Variants in CCSER1 observed in about 807,000 individuals in gnomAD.
CCSER1 encodes the protein coiled-coil serine rich protein 1.
In CCSER1, 41 loss-of-function variants were observed where a neutral mutation model predicts 82.0. The observed-to-expected ratio is 0.50, with a 90% confidence interval of 0.39 to 0.65. The LOEUF (loss-of-function observed/expected upper bound fraction) is 0.65. Ranked by LOEUF, CCSER1 falls within the 30% of genes least tolerant of loss-of-function variation. The probability of loss-of-function intolerance (pLI) is 0.00; values close to 1 mark genes in which losing one functional copy is unlikely to be tolerated. For missense variants in CCSER1, 1,119 were observed against 1,064.2 expected (o/e 1.05, Z -0.72); for synonymous variants, 414 against 383.9 (o/e 1.08, Z -0.92).
chr4:91,505,359 G>A (rs1264478753), intron 10 of CCSER1, among the ~76,000 whole-genome samples: 1 of 152,148 alleles, frequency 6.6e-6, no homozygotes, highest in East Asian at 1.9e-4. Flanking sequence ...GGGCATTTAG[G>A]TTGATTCCAT....
intron 9 of CCSER1, among the ~76,000 whole-genome samples, chr4:91,041,551 G>C (rs775034009): frequency 1.3e-5 from 2 of 152,124 alleles, no homozygotes; most frequent in Non-Finnish European, 2.9e-5. Flanking sequence ...CCCCGTGACT[G>C]TACAACAGAT....
intron 3 of CCSER1, among the ~76,000 whole-genome samples, chr4:90,353,526 A>G (rs562083236): frequency 1.8e-4 from 27 of 152,206 alleles, no homozygotes; most frequent in Non-Finnish European, 2.6e-4. Flanking sequence ...ATTCTTAAAG[A>G]TGGTAAGAGG....
chr4:90,606,199 G>A (rs1003104681), intron 5 of CCSER1, among the ~76,000 whole-genome samples: 19 of 115,772 alleles, frequency 1.6e-4, no homozygotes, highest in Non-Finnish European at 3.1e-4. Flanking sequence ...CATGGGGAGA[G>A]TCCTAGTTGT....
intron 10 of CCSER1, among the ~76,000 whole-genome samples, chr4:91,296,759 C>T (rs1441869911): frequency 6.6e-6 from 1 of 150,780 alleles, no homozygotes; most frequent in African/African-American, 2.4e-5. Context: ...CATTGTAAAT[C>T]ACTGACAAGG....
chr4:91,330,754 T>G (rs1463025411), intron 10 of CCSER1, among the ~76,000 whole-genome samples: 1 of 152,192 alleles, frequency 6.6e-6, no homozygotes, highest in Non-Finnish European at 1.5e-5. Flanking sequence ...TCCCAATCAG[T>G]GCAGGTTTCA....
At chr4:91,369,964 G>A (rs906509325) in intron 10 of CCSER1, among the ~76,000 whole-genome samples, 2 of 151,880 alleles carry the variant, frequency 1.3e-5, no homozygotes, top group Non-Finnish European at 2.9e-5. Flanking sequence ...ATAGGCATGA[G>A]CCACTGTGCC....
At chr4:91,308,789 C>T (rs1285385858) in intron 10 of CCSER1, among the ~76,000 whole-genome samples, 1 of 151,818 alleles carries the variant, frequency 6.6e-6, no homozygotes, top group Non-Finnish European at 1.5e-5. Context: ...AAGTTAATGA[C>T]ACCAAAAATA....
rs1258148366 is a variant in CCSER1, at chr4:91,520,597, T to A, written c.2218-77975T>A. 5.9e-5 allele frequency among the ~76,000 whole-genome samples: 9 copies of A among 152,232 alleles called. 1 individual carries two copies. The highest frequency in any genetic ancestry group is 1.3e-4 in the Non-Finnish European group (9 of 68,046). On this transcript the variant is annotated intron_variant, in intron 10 of 10. Coordinates refer to ENST00000509176, the MANE Select transcript of CCSER1 (RefSeq NM_001145065.2). ...TTTTACTGTGTTTTCTATTTACCTG[T>A]GTAGTTTCCTTTACTTTTGCTCTTT...
chr4:90,487,539 G>T (rs116313918), intron 5 of CCSER1, among the ~76,000 whole-genome samples: 2,450 of 152,294 alleles, frequency 0.016, 40 homozygotes, highest in African/African-American at 0.047. Context: ...TTCCCCTTAT[G>T]CATGGGTGCG....
chr4:91,507,992 C>CTATATATATATATATA (rs749844066), intron 10 of CCSER1, among the ~76,000 whole-genome samples: 1 of 95,694 alleles, frequency 1.0e-5, no homozygotes. Flanking sequence ...TTAGGATTTT[C>CTATATATATATATATA]TATATATATA....
At chr4:91,096,825 C>A (rs558960769) in intron 10 of CCSER1, among the ~76,000 whole-genome samples, 3 of 152,152 alleles carry the variant, frequency 2.0e-5, no homozygotes, top group Non-Finnish European at 4.4e-5. Context: ...AAAGAGGGCA[C>A]ACACACACCT....
chr4:91,244,370 C>A (rs1739601552), intron 10 of CCSER1, among the ~76,000 whole-genome samples: 1 of 152,222 alleles, frequency 6.6e-6, no homozygotes, highest in South Asian at 2.1e-4. Context: ...CCTTGGGCAG[C>A]ACCCAGTGCT....
At chr4:91,338,321 A>G (rs1747460654) in intron 10 of CCSER1, among the ~76,000 whole-genome samples, 1 of 152,148 alleles carries the variant, frequency 6.6e-6, no homozygotes, top group Non-Finnish European at 1.5e-5. Context: ...TGAGAAGAAT[A>G]TAGCAACATA....
intron 1 of CCSER1, among the ~76,000 whole-genome samples, chr4:90,245,135 T>C (rs1425678976): frequency 6.6e-6 from 1 of 152,188 alleles, no homozygotes; most frequent in East Asian, 1.9e-4. Context: ...TAAAGTGATA[T>C]ATTTGATGCT....
At chr4:90,438,889 A>G (rs1759448349) in intron 4 of CCSER1, among the ~76,000 whole-genome samples, 2 of 152,206 alleles carry the variant, frequency 1.3e-5, no homozygotes, top group Non-Finnish European at 2.9e-5. Context: ...CAGTGCAGAT[A>G]GTGAAATAAT....
chr4:91,037,046 C>G (rs959991066), intron 9 of CCSER1, among the ~76,000 whole-genome samples: 2 of 152,034 alleles, frequency 1.3e-5, no homozygotes. Context: ...CACTGCACCC[C>G]AGCCTGGGCA....
Position 90,867,255 on chromosome 4 carries a change from G to A in CCSER1, c.2094+51410G>A, listed in dbSNP as rs1046167839. Among the ~76,000 whole-genome samples the A allele has an allele frequency of 7.2e-5, 11 of 151,924 alleles. 1 individual carries two copies. The highest frequency in any genetic ancestry group is 2.7e-4 in the African/African-American group (11 of 41,378). ...CTTATTTCTATCCACTCACTGTCAG[G>A]CACAGTACACTCTTAAAACAACAGC... On this transcript the variant is annotated intron_variant, in intron 8 of 10. Transcript: ENST00000509176.
intron 9 of CCSER1, among the ~76,000 whole-genome samples, chr4:91,023,244 T>C (rs1306274754): frequency 1.3e-5 from 2 of 152,104 alleles, no homozygotes; most frequent in Non-Finnish European, 2.9e-5. Flanking sequence ...AGGTAATTTA[T>C]AGATTCAATG....
intron 8 of CCSER1, chr4:90,911,201 C>T (rs1726289206): frequency 2.3e-6 from 1 of 426,774 alleles, no homozygotes. Flanking sequence ...TTCAAGTTAG[C>T]AATTTTCTAC....
Sources: gnomAD v4.1 joint callset for allele counts (sites outside exome capture counted in the v4.1 genomes callset) on GRCh38, gnomAD v4.1.1 for gene constraint, MANE v1.5 for transcripts, NCBI Gene and HGNC (gene_info 2026-07-23, HGNC 2026-07-21) for gene names.